RAB37: variants seen among roughly 807,000 people sequenced by gnomAD.
RAB37 encodes ras-related protein Rab-37.
In RAB37, 29 loss-of-function variants were observed where a neutral mutation model predicts 33.1. The observed-to-expected ratio is 0.88, with a 90% CI of 0.65 to 1.20. RAB37 has a LOEUF of 1.20. Ranked by LOEUF, RAB37 falls within the 50% of genes most tolerant of loss-of-function variation. RAB37 has a pLI of 0.00. For synonymous variants in RAB37, 128 were observed against 119.5 expected (o/e 1.07, Z -0.47); for missense variants, 299 against 301.1 (o/e 0.99, Z 0.05).
chr17:74,706,477 G>C (rs1259291792), intron 1 of RAB37, among the ~76,000 whole-genome samples: 1 of 151,584 alleles, frequency 6.6e-6, no homozygotes, highest in Admixed American at 6.6e-5. Context: ...AGATCAGCCT[G>C]ACCAACATGG....
In RAB37 at chr17:74,740,832, C is replaced by T. The variant is rs749330487; in HGVS notation, c.158C>T (p.Ala53Val). Residue 53 changes from alanine to valine, a missense_variant, in exon 2 of 9, where the codon GCC becomes GTC. Physicochemically the swap from Ala to Val is moderately conservative, Grantham distance 64. Transcript: ENST00000392613. The part of the protein sequence containing the change: ...TCFLIQFKDG[A>V]FLSGTFIATV... ...TTCCTGATCCAATTCAAAGACGGGGCCTTCCTGTCCGGAACCTTCATAGCC... is the reference window on the plus strand; with the variant it reads ...TTCCTGATCCAATTCAAAGACGGGGTCTTCCTGTCCGGAACCTTCATAGCC... 4.3e-6 allele frequency: 7 copies of T among 1,614,014 alleles called. No homozygotes were observed. In the Admixed American group the frequency reaches 1.0e-4, roughly 23 times the overall value.
chr17:74,675,853 T>G (rs1234883292), intron 1 of RAB37, among the ~76,000 whole-genome samples: 1 of 152,170 alleles, frequency 6.6e-6, no homozygotes, highest in Non-Finnish European at 1.5e-5. Context: ...AAGATTCCCG[T>G]AGGGTGGGCT....
chr17:74,734,967 GAAAAA>G (rs1272535090), upstream of RAB37, among the ~76,000 whole-genome samples: 30 of 115,908 alleles, frequency 2.6e-4, no homozygotes, highest in African/African-American at 9.0e-4. Flanking sequence ...AAGAAAGAAA[GAAAAA>G]GAAAGAAAGA....
At chr17:74,735,057 G>T (rs1407690231), upstream of RAB37, among the ~76,000 whole-genome samples, 2 of 138,818 alleles carry the variant, frequency 1.4e-5, no homozygotes, top group Non-Finnish European at 3.2e-5. Context: ...AAGAAAGAAA[G>T]AAAGAGAAAG....
chr17:74,687,760 A>G (rs185405777), intron 1 of RAB37, among the ~76,000 whole-genome samples: 1,701 of 152,274 alleles, frequency 0.011, 92 homozygotes, highest in Admixed American at 0.08. Flanking sequence ...TCACTACACC[A>G]GCGGAGATGT....
At chr17:74,672,583 A>C (rs1251628107) in intron 1 of RAB37, 1 of 152,210 alleles carries the variant, frequency 6.6e-6, no homozygotes, top group East Asian at 1.9e-4. Context: ...CTTATATTTG[A>C]GGAAACTAAA....
chr17:74,732,462 G>T (rs908129072), upstream of RAB37, among the ~76,000 whole-genome samples: 6 of 145,636 alleles, frequency 4.1e-5, no homozygotes, highest in African/African-American at 1.5e-4. Flanking sequence ...ATCTCTGCAG[G>T]TGTGATTTGA....
At chr17:74,685,022 A>G (rs1235125311) in intron 1 of RAB37, among the ~76,000 whole-genome samples, 1 of 151,978 alleles carries the variant, frequency 6.6e-6, no homozygotes, top group Non-Finnish European at 1.5e-5. Flanking sequence ...AAACTCATAG[A>G]AAGGTACAAA....
At chr17:74,712,730 A>C (rs552426096) in intron 1 of RAB37, 1 of 1,307,516 alleles carries the variant, frequency 7.6e-7, no homozygotes, top group Non-Finnish European at 1.1e-6. Context: ...CATGCCATTA[A>C]GGACACCTTC....
chr17:74,719,730 G>A (rs1019944267), intron 1 of RAB37, among the ~76,000 whole-genome samples: 1 of 151,890 alleles, frequency 6.6e-6, no homozygotes, highest in Non-Finnish European at 1.5e-5. Context: ...TTTTCAAGCT[G>A]GTCTCGAACT....
intron 1 of RAB37, among the ~76,000 whole-genome samples, chr17:74,673,858 C>T (rs891404029): frequency 6.6e-6 from 1 of 152,124 alleles, no homozygotes; most frequent in Non-Finnish European, 1.5e-5. Context: ...GAAAGTTTTC[C>T]TTCTTATATA....
Position 74,706,809 on chromosome 17 carries a change from G to T in RAB37, c.73-22447G>T, listed in dbSNP as rs139125884. 5.3e-5 allele frequency among the ~76,000 whole-genome samples: 8 copies of T among 152,334 alleles called. No individual in the cohort carries two copies. In the East Asian group the frequency reaches 1.2e-3, roughly 22 times the overall value. On this transcript the variant is annotated intron_variant, in intron 1 of 7. Coordinates refer to the RAB37 transcript ENST00000340415. ...GGATTGGAGAGCAGGGTATCCATGC[G>T]AAGGCACAGCCCTCCTTCCACTCCA...
rs2034363476 is a variant in RAB37, at chr17:74,729,872, G to A, written c.183+506G>A. Among the ~76,000 whole-genome samples the A allele has an allele frequency of 6.6e-6, 1 of 152,222 alleles. No homozygotes were observed. The highest frequency in any genetic ancestry group is 2.4e-5 in the African/African-American group (1 of 41,458). ...CCCTCCAAGGCAAGAAGATCTGGAG[G>A]GACAAAGGGACGACAAAGTTTTCAG... On this transcript the variant is annotated intron_variant, in intron 2 of 7. Transcript: ENST00000340415. The surrounding 1 kb of genome is among the most constrained non-coding windows in gnomAD (Gnocchi z 4.2).
intron 1 of RAB37, among the ~76,000 whole-genome samples, chr17:74,716,280 C>CTATG (rs1003211244): frequency 5.9e-5 from 9 of 152,106 alleles, no homozygotes; most frequent in East Asian, 1.9e-4. Flanking sequence ...TCTAACGCAC[C>CTATG]TATGTATGTA....
upstream of RAB37, among the ~76,000 whole-genome samples, chr17:74,735,019 A>AC (rs2034450135): frequency 7.1e-5 from 1 of 14,104 alleles, no homozygotes; most frequent in Admixed American, 8.2e-4. Flanking sequence ...GGAAGGAAGG[A>AC]AGAAAGAAAG....
chr17:74,725,358 C>T (rs1365990024), intron 1 of RAB37, among the ~76,000 whole-genome samples: 2 of 152,260 alleles, frequency 1.3e-5, no homozygotes, highest in East Asian at 1.9e-4. Flanking sequence ...TGTCCACAGC[C>T]CCTGCAAATC....
intron 1 of RAB37, chr17:74,695,859 C>A (rs201341744): frequency 5.8e-5 from 93 of 1,612,876 alleles, no homozygotes; most frequent in Non-Finnish European, 7.6e-5. Flanking sequence ...GGCTGCAGTA[C>A]CTGGGACAGG....
intron 1 of RAB37, among the ~76,000 whole-genome samples, chr17:74,717,439 G>A (rs760802552): frequency 2.6e-5 from 4 of 152,164 alleles, no homozygotes; most frequent in East Asian, 3.9e-4. Context: ...ATGGCATTAC[G>A]AGGTTGAGCC....
intron 2 of RAB37, among the ~76,000 whole-genome samples, chr17:74,731,259 GC>G (rs2034380696): frequency 6.6e-6 from 1 of 152,196 alleles, no homozygotes; most frequent in Non-Finnish European, 1.5e-5. Flanking sequence ...GGGCCCTGCC[GC>G]TGGCCAGGCT....
Sources: gnomAD v4.1 joint callset for allele counts (sites outside exome capture counted in the v4.1 genomes callset) on GRCh38, gnomAD v4.1.1 for gene constraint, Gnocchi (gnomAD v3.1) non-coding constraint, MANE v1.5 for transcripts, NCBI Gene and HGNC (gene_info 2026-07-23, HGNC 2026-07-21) for gene names.